Variants in PTPRQ observed in about 807,000 individuals in gnomAD.
PTPRQ encodes the protein phosphatidylinositol phosphatase PTPRQ.
Under a neutral mutation model 246.0 loss-of-function variants are expected in PTPRQ, and 199 were observed. The observed-to-expected ratio is 0.81, with a 90% CI of 0.72 to 0.91. The LOEUF (loss-of-function observed/expected upper bound fraction) is 0.91, where lower values mean the gene tolerates loss of function less well. Among genes scored for constraint, PTPRQ ranks in the 40% least tolerant of loss-of-function variants. The pLI, the probability that PTPRQ is intolerant of heterozygous loss-of-function variation, is 0.00. For missense variants in PTPRQ, 2,624 were observed against 2,528.4 expected (o/e 1.04, Z -0.81); for synonymous variants, 869 against 853.2 (o/e 1.02, Z -0.32).
At chr12:80,579,688 G>A (rs1897375849) in intron 25 of PTPRQ, among the ~76,000 whole-genome samples, 1 of 152,112 alleles carries the variant, frequency 6.6e-6, no homozygotes, top group South Asian at 2.1e-4. Context: ...GCTGAAATAT[G>A]CTTTGAACTT....
chr12:80,479,615 C>T (rs1893958971), intron 8 of PTPRQ, among the ~76,000 whole-genome samples: 1 of 142,048 alleles, frequency 7.0e-6, no homozygotes, highest in South Asian at 2.3e-4. Context: ...CATCAGTGTG[C>T]TGTATTCAGG....
In PTPRQ at chr12:80,635,046, T is replaced by C. The variant is rs868780743; in HGVS notation, c.5888T>C (p.Leu1963Pro). Residue 1963 changes from leucine (L) to proline (P), a missense_variant, in exon 35 of 45, where the codon CTG (leucine) becomes CCG (proline). Coordinates refer to ENST00000644991, the MANE Select transcript of PTPRQ (RefSeq NM_001145026.2). ...KLDQLITVADLELKDERLTRL... is the reference protein window; with the variant it reads ...KLDQLITVADPELKDERLTRL... ...GATCAGCTCATCACAGTGGCAGACC[T>C]GGAACTGAAGGACGAGAGATTAACG... 1.9e-6 allele frequency: 3 copies of C among 1,551,024 alleles called. No individual in the cohort carries two copies. Among genetic ancestry groups the C allele is most frequent in the African/African-American group, 2.7e-5 (2 of 72,994 alleles).
intron 14 of PTPRQ, among the ~76,000 whole-genome samples, chr12:80,496,929 C>T (rs1048991103): frequency 3.3e-5 from 5 of 151,676 alleles, no homozygotes; most frequent in Non-Finnish European, 5.9e-5. Context: ...AGTGGGAGCA[C>T]AAAAATGGCA....
At chr12:80,458,410 A>G (rs1893043819) in intron 4 of PTPRQ, among the ~76,000 whole-genome samples, 1 of 152,104 alleles carries the variant, frequency 6.6e-6, no homozygotes, top group African/African-American at 2.4e-5. Context: ...CTCCTTCCAA[A>G]GATCTAACTT....
At chr12:80,662,013 C>T (rs1349795833) in intron 39 of PTPRQ, among the ~76,000 whole-genome samples, 1 of 151,892 alleles carries the variant, frequency 6.6e-6, no homozygotes, top group Non-Finnish European at 1.5e-5. Context: ...GTGTTCTAGT[C>T]TCTAGGCCTA....
intron 3 of PTPRQ, among the ~76,000 whole-genome samples, chr12:80,449,394 T>A (rs1892668986): frequency 6.6e-6 from 1 of 152,218 alleles, no homozygotes; most frequent in African/African-American, 2.4e-5. Context: ...ATCCCATTTG[T>A]CAATTTTGTC....
chr12:80,471,052 T>C (rs11114466), intron 7 of PTPRQ, among the ~76,000 whole-genome samples: 67,279 of 151,910 alleles, frequency 0.44, 17,188 homozygotes, highest in African/African-American at 0.71. Context: ...AGCTAGACCA[T>C]GAAAGTAAAT....
rs570764477 is a variant in PTPRQ, at chr12:80,535,406, AT to A, written c.2985+377del. 1.4e-4 allele frequency among the ~76,000 whole-genome samples: 21 copies of A among 151,972 alleles called. No homozygotes were observed. In the East Asian group the frequency reaches 3.3e-3, roughly 24 times the overall value. ...ATCCTCAAAGTTATTTATTAGCTAAATTTTTTTTCATTTGTTTGTATATGAT... is the reference window on the plus strand; with the variant it reads ...ATCCTCAAAGTTATTTATTAGCTAAATTTTTTTCATTTGTTTGTATATGAT... On this transcript the variant is annotated intron_variant, in intron 19 of 44. Coordinates refer to ENST00000644991, the MANE Select transcript of PTPRQ (RefSeq NM_001145026.2).
chr12:80,573,282 G>A (rs1456835968), intron 25 of PTPRQ, among the ~76,000 whole-genome samples: 1 of 152,198 alleles, frequency 6.6e-6, no homozygotes, highest in African/African-American at 2.4e-5. Context: ...GAGGTCAGTA[G>A]ATCGAGACCT....
chr12:80,487,388 G>A (rs1420459196), intron 9 of PTPRQ, among the ~76,000 whole-genome samples: 1 of 152,078 alleles, frequency 6.6e-6, no homozygotes, highest in Non-Finnish European at 1.5e-5. Context: ...GTGTCAGTGT[G>A]TCAAGAATAA....
chr12:80,480,297 C>T (rs1202432992), intron 8 of PTPRQ, among the ~76,000 whole-genome samples: 2 of 152,106 alleles, frequency 1.3e-5, no homozygotes, highest in Admixed American at 1.3e-4. Flanking sequence ...GAAATGAAGG[C>T]AGAAATAAAG....
chr12:80,658,470 GCGGGTAA>G (rs1900516961), intron 39 of PTPRQ, among the ~76,000 whole-genome samples: 1 of 152,012 alleles, frequency 6.6e-6, no homozygotes, highest in African/African-American at 2.4e-5. Context: ...AGTCCTTCAA[GCGGGTAA>G]TAATGCCATC....
intron 25 of PTPRQ, among the ~76,000 whole-genome samples, chr12:80,580,887 C>CCTATAGGCA (rs1322472858): frequency 1.3e-5 from 2 of 152,180 alleles, no homozygotes; most frequent in Non-Finnish European, 2.9e-5. Context: ...AGCCAGGTTA[C>CCTATAGGCA]AAATAACTCT....
intron 20 of PTPRQ, among the ~76,000 whole-genome samples, chr12:80,541,153 T>C (rs911346837): frequency 1.3e-5 from 2 of 152,042 alleles, no homozygotes; most frequent in South Asian, 2.1e-4. Context: ...TTTAGTTTCC[T>C]CATATGTACA....
intron 8 of PTPRQ, among the ~76,000 whole-genome samples, chr12:80,477,860 A>C (rs1286749666): frequency 2.6e-5 from 4 of 152,188 alleles, no homozygotes; most frequent in Admixed American, 6.5e-5. Flanking sequence ...TATATCCCAC[A>C]CCTGGCTCGG....
At chr12:80,554,887 T>C (rs1896599483) in intron 25 of PTPRQ, among the ~76,000 whole-genome samples, 1 of 152,064 alleles carries the variant, frequency 6.6e-6, no homozygotes, top group African/African-American at 2.4e-5. Context: ...GGACTACATG[T>C]TTGCACCACC....
At chr12:80,537,038 A>G (rs1350490565) in intron 19 of PTPRQ, among the ~76,000 whole-genome samples, 2 of 152,218 alleles carry the variant, frequency 1.3e-5, no homozygotes, top group Non-Finnish European at 2.9e-5. Flanking sequence ...GGTGTGTAAT[A>G]TGATCTAATT....
intron 38 of PTPRQ, 39 bp downstream of exon 38, chr12:80,652,873 T>C: frequency 1.4e-6 from 2 of 1,430,050 alleles, no homozygotes; most frequent in East Asian, 5.5e-5. Context: ...CTAGGAAATA[T>C]TTTTAAATGC....
At chr12:80,593,145 C>T (rs919478730) in intron 26 of PTPRQ, among the ~76,000 whole-genome samples, 2 of 152,114 alleles carry the variant, frequency 1.3e-5, no homozygotes, top group African/African-American at 2.4e-5. Flanking sequence ...TGCATTTTAT[C>T]CTAATGACAT....
Sources: gnomAD v4.1 joint callset for allele counts (sites outside exome capture counted in the v4.1 genomes callset) on GRCh38, gnomAD v4.1.1 for gene constraint, MANE v1.5 for transcripts, NCBI Gene and HGNC (gene_info 2026-07-23, HGNC 2026-07-21) for gene names.